PLSCR2: variants seen among roughly 807,000 people sequenced by gnomAD.
PLSCR2 encodes the protein phospholipid scramblase 2, also known as PL scramblase 2.
Under a neutral mutation model 25.3 loss-of-function variants are expected in PLSCR2, and 18 were observed. That is an observed-to-expected ratio of 0.71 (90% CI 0.49 to 1.06). The LOEUF is 1.06. Ranked by LOEUF, PLSCR2 falls within the 50% of genes least tolerant of loss-of-function variation. PLSCR2 has a pLI of 0.00. For synonymous variants in PLSCR2, 88 were observed against 87.3 expected (o/e 1.01, Z -0.04); for missense variants, 243 against 269.5 (o/e 0.90, Z 0.69).
chr3:146,408,733 A>T (rs1047674605), intron 2 of PLSCR2, among the ~76,000 whole-genome samples: 16 of 152,088 alleles, frequency 1.1e-4, no homozygotes, highest in African/African-American at 3.9e-4. Context: ...AGGCGCTCTA[A>T]AAAACACTCC....
intron 2 of PLSCR2, among the ~76,000 whole-genome samples, chr3:146,411,381 A>G (rs1164408955): frequency 1.3e-5 from 2 of 152,194 alleles, no homozygotes; most frequent in Non-Finnish European, 2.9e-5. Context: ...ATCGAAGTCA[A>G]ATCTGACATA....
intron 1 of PLSCR2, among the ~76,000 whole-genome samples, chr3:146,486,525 G>C (rs981305951): frequency 2.0e-5 from 3 of 151,828 alleles, no homozygotes; most frequent in African/African-American, 7.3e-5. Context: ...CAAACCATCA[G>C]AGAATATTAT....
intron 2 of PLSCR2, among the ~76,000 whole-genome samples, chr3:146,399,687 T>C (rs145230399): frequency 1.3e-5 from 2 of 151,548 alleles, no homozygotes; most frequent in Non-Finnish European, 3.0e-5. Context: ...CTTTCCTTCC[T>C]TCCTTCTTTC....
upstream of PLSCR2, among the ~76,000 whole-genome samples, chr3:146,465,328 A>C (rs2041812826): frequency 6.6e-6 from 1 of 152,098 alleles, no homozygotes; most frequent in Non-Finnish European, 1.5e-5. Flanking sequence ...AATTTGTTGT[A>C]ATTTATCTTT....
chr3:146,483,453 G>GTATATA lies in PLSCR2; in HGVS notation c.-293+12436_-293+12441dup, dbSNP rs1186980145. On this transcript the variant is annotated intron_variant, in intron 1 of 8. Transcript: ENST00000336685. ...AATATATATATATATACACATGTAT[G>GTATATA]TATATATATATATATATATACATGT... Among the ~76,000 whole-genome samples the GTATATA allele has an allele frequency of 5.2e-3, 170 of 32,650 alleles. 4 individuals are homozygous for GTATATA. Among genetic ancestry groups the GTATATA allele is most frequent in the African/African-American group, 0.02 (143 of 7,144 alleles). The allele number at this position is 32,650 out of a possible 152,430, so 21.4% of individuals were successfully genotyped here.
downstream of PLSCR2, among the ~76,000 whole-genome samples, chr3:146,432,789 A>T (rs552577142): frequency 6.6e-6 from 1 of 152,278 alleles, no homozygotes; most frequent in Non-Finnish European, 1.5e-5. Flanking sequence ...TTCTATTACT[A>T]CCTAAAAAGT....
intron 5 of PLSCR2, among the ~76,000 whole-genome samples, chr3:146,452,018 T>C (rs1026738387): frequency 2.6e-5 from 4 of 152,228 alleles, no homozygotes; most frequent in African/African-American, 9.6e-5. Flanking sequence ...GTCAAACCCA[T>C]GGAGGAGGTT....
At chr3:146,469,836 T>G (rs1432640671) in intron 1 of PLSCR2, among the ~76,000 whole-genome samples, 1 of 132,250 alleles carries the variant, frequency 7.6e-6, no homozygotes, top group Non-Finnish European at 1.6e-5. Flanking sequence ...CGTCTCCCTC[T>G]CCCCATCCCC....
downstream of PLSCR2, among the ~76,000 whole-genome samples, chr3:146,430,478 T>C (rs2039507873): frequency 6.6e-6 from 1 of 152,146 alleles, no homozygotes; most frequent in African/African-American, 2.4e-5. Flanking sequence ...CTTCACAGCA[T>C]CAGTAGCACT....
intron 1 of PLSCR2, among the ~76,000 whole-genome samples, chr3:146,474,599 T>C (rs1030690440): frequency 6.6e-6 from 1 of 152,134 alleles, no homozygotes; most frequent in African/African-American, 2.4e-5. Context: ...GAGAATCTGA[T>C]GATTATATGT....
intron 1 of PLSCR2, among the ~76,000 whole-genome samples, chr3:146,493,782 C>CAT (rs1560066124): frequency 1.9e-5 from 1 of 51,922 alleles, no homozygotes; most frequent in African/African-American, 7.3e-5. Context: ...TCCAAGGTGG[C>CAT]GTTTTTTTTT....
exon 4 of PLSCR2, chr3:146,391,482 C>A (rs1239420943): frequency 6.6e-6 from 1 of 152,526 alleles, no homozygotes; most frequent in Non-Finnish European, 1.5e-5. Context: ...TTGTTGAGGG[C>A]TGGCAAAAAT....
At chr3:146,438,752 T>C (rs1310621475), downstream of PLSCR2, among the ~76,000 whole-genome samples, 4 of 152,220 alleles carry the variant, frequency 2.6e-5, no homozygotes, top group Non-Finnish European at 4.4e-5. Context: ...TGTCTTTTAA[T>C]TGGAGCATTT....
intron 2 of PLSCR2, among the ~76,000 whole-genome samples, chr3:146,419,266 T>C (rs1327195661): frequency 6.6e-6 from 1 of 152,114 alleles, no homozygotes; most frequent in East Asian, 1.9e-4. Flanking sequence ...TCTATCATTA[T>C]ATAAAAAGAA....
upstream of PLSCR2, among the ~76,000 whole-genome samples, chr3:146,460,550 C>T (rs895909787): frequency 6.6e-6 from 1 of 151,972 alleles, no homozygotes. Flanking sequence ...ATGACATATC[C>T]TATATGTATA....
chr3:146,454,578 A>G (rs1032921134), intron 4 of PLSCR2, among the ~76,000 whole-genome samples: 1 of 152,172 alleles, frequency 6.6e-6, no homozygotes, highest in African/African-American at 2.4e-5. Flanking sequence ...TGTTGCGCCA[A>G]TGGGATCCTG....
At chr3:146,461,874 A>G (rs1318981045), upstream of PLSCR2, 2 of 1,364,054 alleles carry the variant, frequency 1.5e-6, no homozygotes, top group South Asian at 2.5e-5. Flanking sequence ...ATGATCTCAT[A>G]TATATCTTGC....
intron 2 of PLSCR2, among the ~76,000 whole-genome samples, chr3:146,408,017 G>A (rs1160845086): frequency 1.3e-5 from 2 of 152,146 alleles, no homozygotes; most frequent in Non-Finnish European, 2.9e-5. Context: ...TGATCTAACA[G>A]TAAACTCTGA....
chr3:146,434,901 C>T (rs960826078), intron 8 of PLSCR2, among the ~76,000 whole-genome samples: 4 of 150,664 alleles, frequency 2.7e-5, no homozygotes, highest in African/African-American at 9.8e-5. Context: ...AGGTACATCC[C>T]CTAATGCTAT....
Sources: allele counts gnomAD v4.1 joint callset (sites outside exome capture counted in the v4.1 genomes callset), GRCh38; gene constraint gnomAD v4.1.1; transcripts MANE v1.5; gene names NCBI Gene and HGNC (gene_info 2026-07-23, HGNC 2026-07-21).